Variants in NCAPD3 observed in about 807,000 individuals in gnomAD.
The protein encoded by NCAPD3 is non-SMC condensin II complex subunit D3.
NCAPD3 carries 105 observed loss-of-function variants against 182.9 expected under a neutral mutation model. The observed-to-expected ratio is 0.57, with a 90% CI of 0.49 to 0.68. The LOEUF is 0.68. Among genes scored for constraint, NCAPD3 ranks in the 30% least tolerant of loss-of-function variants. The pLI is 0.00. For missense variants in NCAPD3, 1,944 were observed against 1,837.0 expected, an observed-to-expected ratio of 1.06 and a Z score of -1.07; for synonymous variants, 815 against 679.9, an observed-to-expected ratio of 1.20 and a Z score of -3.09.
At chr11:134,182,001 C>T (rs1345856460) in intron 19 of NCAPD3, among the ~76,000 whole-genome samples, 1 of 152,162 alleles carries the variant, frequency 6.6e-6, no homozygotes, top group Non-Finnish European at 1.5e-5. Context: ...CTGACTTGCC[C>T]TAACGTATCT....
intron 31 of NCAPD3, among the ~76,000 whole-genome samples, chr11:134,157,424 G>A (rs780468513): frequency 6.6e-6 from 1 of 152,188 alleles, no homozygotes; most frequent in African/African-American, 2.4e-5. Context: ...AAGGCTATAT[G>A]TACAAGGATG....
At chr11:134,175,512 C>T (rs766491125) in intron 24 of NCAPD3, among the ~76,000 whole-genome samples, 10 of 152,162 alleles carry the variant, frequency 6.6e-5, no homozygotes, top group African/African-American at 1.9e-4. Flanking sequence ...GAAACTTCCA[C>T]GGAACTCAGG....
In NCAPD3 at chr11:134,185,377, A is replaced by G. The variant is rs1398255238; in HGVS notation, c.2195T>C (p.Leu732Pro). The change falls in exon 17 of 35, where the codon CTG becomes CCG. Residue 732 changes from leucine to proline, a missense_variant. Around this residue, in one of 3 missense-constraint regions of NCAPD3, gnomAD observed 1,803 missense variants for 1,674.6 expected, o/e 1.08. Coordinates refer to ENST00000534548, the MANE Select transcript of NCAPD3 (RefSeq NM_015261.3). Reference protein sequence around the residue: ...LSKIAGSSPRLDYSRIIQSWE... With the variant: ...LSKIAGSSPRPDYSRIIQSWE... ...AGATTGTATTATTCTGCTGTAGTCCAGCCTGGGTGAGGAGCCAGCAATCTT... is the reference window on the plus strand; with the variant it reads ...AGATTGTATTATTCTGCTGTAGTCCGGCCTGGGTGAGGAGCCAGCAATCTT... 1.2e-6 allele frequency: 2 copies of G among 1,613,646 alleles called. No individual in the cohort carries two copies. The highest frequency in any genetic ancestry group is 1.7e-6 in the Non-Finnish European group (2 of 1,179,854).
At chr11:134,176,425 T>C (rs1164678522) in intron 23 of NCAPD3, 39 bp from the exon 24 acceptor site, 2 of 1,571,740 alleles carry the variant, frequency 1.3e-6, no homozygotes, top group Non-Finnish European at 1.8e-6. Context: ...GAGTGCGTCA[T>C]CATGGGCAAG....
At chr11:134,210,020 C>G (rs897300917) in intron 4 of NCAPD3, among the ~76,000 whole-genome samples, 3 of 151,976 alleles carry the variant, frequency 2.0e-5, no homozygotes, top group African/African-American at 7.3e-5. Context: ...TGCACCACTG[C>G]ACTCCAACCT....
chr11:134,193,085 G>C (rs1944557730), intron 15 of NCAPD3, among the ~76,000 whole-genome samples, 176 bp from the exon 16 acceptor site: 1 of 152,104 alleles, frequency 6.6e-6, no homozygotes, highest in Non-Finnish European at 1.5e-5. Flanking sequence ...GTAAATCACT[G>C]CAAACCAAAA....
At chr11:134,224,016 A>G, upstream of NCAPD3, 1 of 1,492,040 alleles carries the variant, frequency 6.7e-7, no homozygotes, top group Non-Finnish European at 9.1e-7. Context: ...GACCAATCAC[A>G]ACGTACAGAA....
At chr11:134,208,530 AG>A (rs377529800) in intron 7 of NCAPD3, among the ~76,000 whole-genome samples, 1,568 of 152,352 alleles carry the variant, frequency 0.01, 16 homozygotes, top group Middle Eastern at 0.061. Flanking sequence ...TTCCTATAGA[AG>A]TAAGTGTTCA....
chr11:134,192,570 C>T (rs1944545371), intron 16 of NCAPD3, 119 bp downstream of exon 16: 1 of 812,488 alleles, frequency 1.2e-6, no homozygotes, highest in South Asian at 1.7e-5. Flanking sequence ...AATACTTAAT[C>T]TTCACATACA....
chr11:134,156,005 T>C (rs534333363), intron 32 of NCAPD3, among the ~76,000 whole-genome samples: 13 of 151,884 alleles, frequency 8.6e-5, no homozygotes, highest in African/African-American at 2.9e-4. Flanking sequence ...TCCACACACA[T>C]GAGCTGACTG....
At chr11:134,208,669 A>G (rs1287352553) in intron 7 of NCAPD3, among the ~76,000 whole-genome samples, 195 bp downstream of exon 7, 1 of 152,222 alleles carries the variant, frequency 6.6e-6, no homozygotes, top group African/African-American at 2.4e-5. Flanking sequence ...AAGTATTCAG[A>G]TATAAAGTTG....
chr11:134,196,224 C>T (rs922898943), intron 13 of NCAPD3, among the ~76,000 whole-genome samples: 1 of 152,050 alleles, frequency 6.6e-6, no homozygotes, highest in African/African-American at 2.4e-5. Context: ...AATTTTATGC[C>T]AACAAATTAA....
intron 3 of NCAPD3, among the ~76,000 whole-genome samples, chr11:134,214,555 A>G (rs778212083): frequency 1.3e-5 from 2 of 152,062 alleles, no homozygotes; most frequent in Admixed American, 6.5e-5. Flanking sequence ...AATCGTAGAC[A>G]TAAGACCAGA....
chr11:134,175,181 T>G (rs1024110370), intron 24 of NCAPD3, among the ~76,000 whole-genome samples: 2 of 152,164 alleles, frequency 1.3e-5, no homozygotes, highest in Non-Finnish European at 2.9e-5. Flanking sequence ...CATACACATA[T>G]AGGGGCTAAC....
At position 134,181,168 on chromosome 11, in the gene NCAPD3, A is replaced by G. The variant is rs1485368035; in HGVS notation, c.2468T>C (p.Val823Ala). 5.0e-6 allele frequency: 8 copies of G among 1,613,638 alleles called. No homozygotes were observed. In the East Asian group the frequency reaches 1.1e-4, roughly 22 times the overall value. Residue 823 changes from valine to alanine, a missense_variant, in exon 20 of 35, where the codon GTG becomes GCG. This residue lies in a region of NCAPD3 where 1,803 missense variants were observed against 1,674.6 expected (regional missense o/e 1.08). Transcript: ENST00000534548. ...GCAGGTGGAGAGTACATCCCCACAC[A>G]CCTGCGTCAGCAATTCCTACGGCAA... ...PAEEQELLTQ[V>A]CGDVLSTCEH...
chr11:134,192,503 AC>A (rs1487688953), intron 16 of NCAPD3, among the ~76,000 whole-genome samples, 185 bp downstream of exon 16: 7 of 152,258 alleles, frequency 4.6e-5, no homozygotes, highest in Non-Finnish European at 2.9e-5. Flanking sequence ...GGTGTCACAA[AC>A]ATACAGGCGA....
At chr11:134,158,888 C>T (rs767005739) in intron 29 of NCAPD3, among the ~76,000 whole-genome samples, 1 of 152,190 alleles carries the variant, frequency 6.6e-6, no homozygotes, top group African/African-American at 2.4e-5. Flanking sequence ...TGAGATCAAC[C>T]TTTTTGGCTC....
At chr11:134,223,356 A>T (rs1034607499) in intron 1 of NCAPD3, 2 of 692,796 alleles carry the variant, frequency 2.9e-6, no homozygotes, top group Non-Finnish European at 5.3e-6. Flanking sequence ...GTGGGCATGA[A>T]AGGGGAAGCA....
At chr11:134,174,833 ACT>A (rs1033593639) in intron 24 of NCAPD3, among the ~76,000 whole-genome samples, 10 of 152,202 alleles carry the variant, frequency 6.6e-5, no homozygotes, top group African/African-American at 2.2e-4. Flanking sequence ...TCAAAACATC[ACT>A]CTCTGTCCCA....
Sources: allele counts gnomAD v4.1 joint callset (sites outside exome capture counted in the v4.1 genomes callset), GRCh38; gene constraint gnomAD v4.1.1; regional missense constraint gnomAD v4.1.1; transcripts MANE v1.5; gene names NCBI Gene and HGNC (gene_info 2026-07-23, HGNC 2026-07-21).